Variants in GDAP1 observed in about 807,000 individuals in gnomAD.
GDAP1 encodes ganglioside-induced differentiation-associated protein 1.
GDAP1 carries 34 observed loss-of-function variants against 40.1 expected under a neutral mutation model. The observed-to-expected ratio is 0.85, with a 90% CI of 0.64 to 1.13. The LOEUF is 1.13. Ranked by LOEUF, GDAP1 falls within the 50% of genes most tolerant of loss-of-function variation. The probability of loss-of-function intolerance (pLI) is 0.00; values close to 1 mark genes in which losing one functional copy is unlikely to be tolerated. For synonymous variants in GDAP1, 170 were observed against 157.4 expected (o/e 1.08, Z -0.60); for missense variants, 374 against 433.7 (o/e 0.86, Z 1.22).
chr8:74,376,556 A>G (rs1186202664), intron 2 of GDAP1: 2 of 152,176 alleles, frequency 1.3e-5, no homozygotes, highest in Admixed American at 6.5e-5. Flanking sequence ...TCACTGTGTT[A>G]GCTAGGGTGG....
intron 2 of GDAP1, among the ~76,000 whole-genome samples, chr8:74,389,018 T>G (rs10108295): frequency 0.53 from 79,878 of 151,938 alleles, 21,576 homozygotes; most frequent in African/African-American, 0.67. Context: ...TGTTTTTTGC[T>G]TTCCATTTGC....
intron 1 of GDAP1, among the ~76,000 whole-genome samples, chr8:74,350,864 GGA>G (rs1185433212): frequency 2.0e-5 from 3 of 152,110 alleles, no homozygotes; most frequent in Non-Finnish European, 4.4e-5. Context: ...GCTGGTCTTC[GGA>G]GAGAGGCAGA....
At chr8:74,396,598 A>G (rs916790212) in intron 2 of GDAP1, among the ~76,000 whole-genome samples, 6 of 151,552 alleles carry the variant, frequency 4.0e-5, no homozygotes, top group African/African-American at 1.5e-4. Flanking sequence ...GAGTGAGAAC[A>G]TGTGGTGTTT....
chr8:74,378,620 T>C (rs749925464), intron 2 of GDAP1, among the ~76,000 whole-genome samples: 3 of 152,160 alleles, frequency 2.0e-5, no homozygotes, highest in Non-Finnish European at 2.9e-5. Flanking sequence ...TTAGTATCAC[T>C]GCCAAAGGAT....
At chr8:74,440,359 A>T (rs1806148055) in intron 2 of GDAP1, among the ~76,000 whole-genome samples, 1 of 152,116 alleles carries the variant, frequency 6.6e-6, no homozygotes, top group Non-Finnish European at 1.5e-5. Flanking sequence ...AACATACACA[A>T]AAAGAGACAA....
At chr8:74,430,863 G>T (rs1208321366) in intron 2 of GDAP1, among the ~76,000 whole-genome samples, 1 of 151,952 alleles carries the variant, frequency 6.6e-6, no homozygotes, top group East Asian at 1.9e-4. Context: ...AGATTTAGGG[G>T]GTACAAGTGC....
intron 2 of GDAP1, among the ~76,000 whole-genome samples, chr8:74,422,493 CTCCTTCCTTCCTTCCTT>C (rs1805889756): frequency 9.5e-6 from 1 of 104,744 alleles, no homozygotes; most frequent in Non-Finnish European, 1.7e-5. Flanking sequence ...TCCCTCCTTT[CTCCTTCCTTCCTTCCTT>C]CCTTCCTTCC....
chr8:74,465,011 G>A (rs537686062), intron 2 of GDAP1, among the ~76,000 whole-genome samples: 54 of 152,172 alleles, frequency 3.5e-4, no homozygotes, highest in Non-Finnish European at 5.9e-4. Context: ...CTTGAGCTCA[G>A]GAGTTCGAGA....
intron 2 of GDAP1, chr8:74,376,820 G>A (rs1355614952): frequency 6.6e-6 from 1 of 152,088 alleles, no homozygotes; most frequent in African/African-American, 2.4e-5. Flanking sequence ...GAAATCTATA[G>A]TATTCAACTT....
intron 2 of GDAP1, among the ~76,000 whole-genome samples, chr8:74,465,551 G>A (rs1018006429): frequency 4.6e-5 from 7 of 152,032 alleles, no homozygotes; most frequent in Non-Finnish European, 7.4e-5. Flanking sequence ...AGTCTCCATC[G>A]AGCAGCTTGA....
intron 2 of GDAP1, among the ~76,000 whole-genome samples, chr8:74,391,479 C>T (rs1420303645): frequency 6.6e-6 from 1 of 151,698 alleles, no homozygotes; most frequent in Non-Finnish European, 1.5e-5. Context: ...GATGCCCCAC[C>T]CTGCTTCTGC....
At chr8:74,431,837 C>T (rs1806030894) in intron 2 of GDAP1, among the ~76,000 whole-genome samples, 5 of 152,194 alleles carry the variant, frequency 3.3e-5, no homozygotes, top group Admixed American at 2.6e-4. Flanking sequence ...AGAGTTTATC[C>T]ACCTGGATTT....
chr8:74,360,226 G>A lies in GDAP1; in HGVS notation c.400G>A (p.Asp134Asn). The change falls in exon 3 of 6, where the codon GAT (aspartate) becomes AAT (asparagine). Residue 134 changes from aspartate (D) to asparagine (N), a missense_variant. Transcript: ENST00000220822. ...YRELLDSLPM[D>N]AYTHGCILHP... Reference sequence around the variant, plus strand: ...AGAGCTGCTTGACTCCTTGCCAATGGATGCCTATACACATGGCTGCATTTT... The same window carrying A: ...AGAGCTGCTTGACTCCTTGCCAATGAATGCCTATACACATGGCTGCATTTT... The A allele has an allele frequency of 6.2e-7, 1 of 1,613,406 alleles. No individual in the cohort carries two copies. Among genetic ancestry groups the A allele is most frequent in the South Asian group, 1.1e-5 (1 of 91,050 alleles).
chr8:74,453,940 A>AAAAC (rs372514028), intron 2 of GDAP1, among the ~76,000 whole-genome samples: 2 of 59,080 alleles, frequency 3.4e-5, no homozygotes, highest in African/African-American at 7.9e-5. Flanking sequence ...TTCTGAAGAA[A>AAAAC]ACACACACAC....
At chr8:74,416,314 G>A (rs1017186164) in intron 2 of GDAP1, among the ~76,000 whole-genome samples, 2 of 150,044 alleles carry the variant, frequency 1.3e-5, no homozygotes, top group Non-Finnish European at 1.5e-5. Context: ...TGCCTGAGAC[G>A]CCATTGAGCC....
chr8:74,438,316 C>T (rs1487119407), intron 2 of GDAP1, among the ~76,000 whole-genome samples: 7 of 151,974 alleles, frequency 4.6e-5, no homozygotes, highest in African/African-American at 1.4e-4. Context: ...GTAATGAGTA[C>T]GTGCACTTCC....
At chr8:74,468,648 C>G (rs561387014) in intron 2 of GDAP1, among the ~76,000 whole-genome samples, 1 of 152,136 alleles carries the variant, frequency 6.6e-6, no homozygotes, top group South Asian at 2.1e-4. Flanking sequence ...TCCTATATAA[C>G]TTTTTACCCT....
intron 2 of GDAP1, among the ~76,000 whole-genome samples, chr8:74,478,705 TC>T (rs1324153062): frequency 6.6e-6 from 1 of 152,138 alleles, no homozygotes; most frequent in Non-Finnish European, 1.5e-5. Context: ...CTGTAGCCAC[TC>T]CCACACCAGA....
At chr8:74,416,927 T>TG (rs1252027762) in intron 2 of GDAP1, among the ~76,000 whole-genome samples, 1 of 98,468 alleles carries the variant, frequency 1.0e-5, no homozygotes, top group African/African-American at 4.6e-5. Context: ...TTTTTGTTTT[T>TG]TGTTTTTTTT....
Sources: allele counts gnomAD v4.1 joint callset (sites outside exome capture counted in the v4.1 genomes callset), GRCh38; gene constraint gnomAD v4.1.1; transcripts MANE v1.5; gene names NCBI Gene and HGNC (gene_info 2026-07-23, HGNC 2026-07-21).